VAT1L: variants seen among roughly 807,000 people sequenced by gnomAD.
The protein encoded by VAT1L is putative NADPH-dependent quinone oxidoreductase VAT1L.
Under a neutral mutation model 44.1 loss-of-function variants are expected in VAT1L, and 34 were observed. The ratio of observed to expected loss-of-function variants is 0.77; its 90% CI spans 0.59 to 1.03. The LOEUF is 1.03. Among genes scored for constraint, VAT1L ranks in the 50% least tolerant of loss-of-function variants. The pLI, the probability that VAT1L is intolerant of heterozygous loss-of-function variation, is 0.00. For synonymous variants in VAT1L, 253 were observed against 202.2 expected, an observed-to-expected ratio of 1.25 and a Z score of -2.13; for missense variants, 615 against 538.8, an observed-to-expected ratio of 1.14 and a Z score of -1.40.
chr16:77,831,885 G>A lies in VAT1L; in HGVS notation c.579+6424G>A, dbSNP rs988276986. On this transcript the variant is annotated intron_variant, in intron 3 of 8. Transcript: ENST00000302536. ...GGCTGGAGTGCAGTGGCTTGATCTCGGCTCACTGCAACTTCTGCCTCCCGG... is the reference window on the plus strand; with the variant it reads ...GGCTGGAGTGCAGTGGCTTGATCTCAGCTCACTGCAACTTCTGCCTCCCGG... 2.6e-5 allele frequency among the ~76,000 whole-genome samples: 4 copies of A among 151,772 alleles called. No homozygotes were observed. In the East Asian group the frequency reaches 7.7e-4, roughly 29 times the overall value.
intron 7 of VAT1L, among the ~76,000 whole-genome samples, chr16:77,912,681 T>A (rs139011329): frequency 5.1e-4 from 78 of 152,332 alleles, no homozygotes; most frequent in African/African-American, 1.8e-3. Flanking sequence ...GTAAAGTATC[T>A]CTTGACCTCA....
intron 3 of VAT1L, among the ~76,000 whole-genome samples, chr16:77,861,818 G>A (rs965450874): frequency 3.3e-5 from 5 of 152,206 alleles, no homozygotes; most frequent in Admixed American, 2.0e-4. Flanking sequence ...CCTTGCTCAT[G>A]GTTGGGATAA....
At chr16:77,933,701 G>A (rs902946292) in intron 7 of VAT1L, among the ~76,000 whole-genome samples, 1 of 152,244 alleles carries the variant, frequency 6.6e-6, no homozygotes, top group Non-Finnish European at 1.5e-5. Context: ...AGAGCTGGAA[G>A]GAGGGGGATT....
At chr16:77,896,283 T>C (rs1358578359) in intron 7 of VAT1L, among the ~76,000 whole-genome samples, 1 of 152,140 alleles carries the variant, frequency 6.6e-6, no homozygotes, top group Non-Finnish European at 1.5e-5. Context: ...AGCCCTGGTG[T>C]CGACTCTTCC....
intron 7 of VAT1L, among the ~76,000 whole-genome samples, chr16:77,913,778 G>T (rs1309214464): frequency 6.6e-6 from 1 of 152,132 alleles, no homozygotes; most frequent in East Asian, 1.9e-4. Context: ...TTGGACATCA[G>T]ATATAAACAG....
At chr16:77,944,200 C>A (rs1346236439) in intron 7 of VAT1L, among the ~76,000 whole-genome samples, 1 of 152,110 alleles carries the variant, frequency 6.6e-6, no homozygotes, top group African/African-American at 2.4e-5. Context: ...GAAGAATTAT[C>A]CAGCCCCAAA....
chr16:77,815,421 G>A (rs75523952), intron 1 of VAT1L, among the ~76,000 whole-genome samples: 2,301 of 152,312 alleles, frequency 0.015, 63 homozygotes, highest in African/African-American at 0.053. Context: ...GAGGCATACA[G>A]ATGCCTTCAA....
At chr16:77,882,718 C>T (rs1368980867) in intron 6 of VAT1L, among the ~76,000 whole-genome samples, 1 of 152,240 alleles carries the variant, frequency 6.6e-6, no homozygotes, top group Non-Finnish European at 1.5e-5. Context: ...TTCACTGAGG[C>T]ATTGCAGATA....
At chr16:77,950,445 C>T (rs1033638937) in intron 7 of VAT1L, among the ~76,000 whole-genome samples, 1 of 114,330 alleles carries the variant, frequency 8.7e-6, no homozygotes, top group African/African-American at 2.9e-5. Flanking sequence ...CACACACACA[C>T]ACACACACAC....
intron 3 of VAT1L, among the ~76,000 whole-genome samples, chr16:77,845,417 G>T (rs551538321): frequency 1.3e-5 from 2 of 152,272 alleles, no homozygotes; most frequent in East Asian, 3.9e-4. Flanking sequence ...GGCCCCACTA[G>T]AATAGAGCTT....
At chr16:77,912,525 C>T (rs2142486491) in intron 7 of VAT1L, among the ~76,000 whole-genome samples, 1 of 152,224 alleles carries the variant, frequency 6.6e-6, no homozygotes, top group South Asian at 2.1e-4. Flanking sequence ...TCAAGCGGTC[C>T]TCCCTCCTTG....
chr16:77,860,539 G>A (rs1349775281), intron 3 of VAT1L, among the ~76,000 whole-genome samples: 9 of 152,138 alleles, frequency 5.9e-5, no homozygotes, highest in Non-Finnish European at 1.0e-4. Context: ...AAGGACAGAG[G>A]GCGAAGGGAA....
chr16:77,881,953 T>G (rs1312101292), intron 6 of VAT1L: 3 of 152,240 alleles, frequency 2.0e-5, no homozygotes, highest in African/African-American at 7.2e-5. Context: ...GTTAATGAAA[T>G]AATTGCAGCG....
intron 3 of VAT1L, among the ~76,000 whole-genome samples, chr16:77,831,100 C>T (rs2016573720): frequency 1.3e-5 from 2 of 152,224 alleles, no homozygotes; most frequent in Non-Finnish European, 2.9e-5. Context: ...TTATCATCTA[C>T]TGAAGGCTGG....
chr16:77,827,404 G>A (rs1370766314), intron 3 of VAT1L, among the ~76,000 whole-genome samples: 1 of 152,084 alleles, frequency 6.6e-6, no homozygotes, highest in Non-Finnish European at 1.5e-5. Context: ...TTTTGTTCTT[G>A]GAGCAAAGAA....
At chr16:77,924,564 G>A (rs1427464704) in intron 7 of VAT1L, among the ~76,000 whole-genome samples, 1 of 151,994 alleles carries the variant, frequency 6.6e-6, no homozygotes, top group African/African-American at 2.4e-5. Context: ...AGATTCAAGC[G>A]ATTCTCCTGC....
chr16:77,916,780 T>C (rs1038798705), intron 7 of VAT1L, among the ~76,000 whole-genome samples: 1 of 151,472 alleles, frequency 6.6e-6, no homozygotes, highest in Admixed American at 6.6e-5. Context: ...AGCCTCCTTA[T>C]ACTACACTGC....
At chr16:77,865,403 A>C (rs981586210) in intron 4 of VAT1L, among the ~76,000 whole-genome samples, 2 of 152,184 alleles carry the variant, frequency 1.3e-5, no homozygotes, top group Admixed American at 1.3e-4. Flanking sequence ...GCATGAATAC[A>C]ATTGCTTAAT....
At chr16:77,845,756 G>C (rs2016752409) in intron 3 of VAT1L, among the ~76,000 whole-genome samples, 1 of 152,062 alleles carries the variant, frequency 6.6e-6, no homozygotes, top group South Asian at 2.1e-4. Context: ...TCCTCTGCCT[G>C]GCAAGTTTCT....
Sources: allele counts gnomAD v4.1 joint callset (sites outside exome capture counted in the v4.1 genomes callset), GRCh38; gene constraint gnomAD v4.1.1; transcripts MANE v1.5; gene names NCBI Gene and HGNC (gene_info 2026-07-23, HGNC 2026-07-21).